Variants in BTBD3 observed in about 807,000 individuals in gnomAD.
The protein encoded by BTBD3 is BTB domain containing 3.
BTBD3 carries 14 observed loss-of-function variants against 41.6 expected under a neutral mutation model. The observed-to-expected ratio is 0.34, with a 90% CI of 0.22 to 0.53. The LOEUF is 0.53. BTBD3 is among the 20% of genes least tolerant of loss of function. BTBD3 has a pLI of 0.95. For missense variants in BTBD3, 426 were observed against 654.7 expected (o/e 0.65, Z 3.81); for synonymous variants, 249 against 233.7 (o/e 1.07, Z -0.60).
chr20:11,919,980 G>C (rs1408921733), intron 3 of BTBD3, 144 bp downstream of exon 3: 1 of 718,124 alleles, frequency 1.4e-6, no homozygotes, highest in African/African-American at 1.8e-5. Context: ...AATGTTTTCG[G>C]AAAAGAACAC....
Position 11,924,791 on chromosome 20 carries a change from C to G in BTBD3, c.*1125C>G, listed in dbSNP as rs997364918. On this transcript the variant is annotated 3_prime_UTR_variant, in exon 4 of 4. Transcript: ENST00000378226. Reference sequence around the variant, plus strand: ...TGTTAATTTTAATTTTGTCCTGTTCCTAGACTGCTAGAATCTGGCCCCTGG... The same window carrying G: ...TGTTAATTTTAATTTTGTCCTGTTCGTAGACTGCTAGAATCTGGCCCCTGG... 3 of 152,530 alleles carry G rather than the reference C, an allele frequency of 2.0e-5. No individual in the cohort carries two copies. The highest frequency in any genetic ancestry group is 4.4e-5 in the Non-Finnish European group (3 of 68,020). 9.4% of individuals were successfully genotyped at this position (152,530 alleles called of 1,614,324 possible).
intron 1 of BTBD3, among the ~76,000 whole-genome samples, chr20:11,907,921 T>C (rs2056865847): frequency 1.3e-5 from 2 of 152,200 alleles, no homozygotes; most frequent in African/African-American, 4.8e-5. Flanking sequence ...TTTCTTCCCT[T>C]CTTCCGGGGC....
intron 1 of BTBD3, among the ~76,000 whole-genome samples, chr20:11,902,324 A>T (rs1156421665): frequency 6.6e-6 from 1 of 152,234 alleles, no homozygotes; most frequent in Non-Finnish European, 1.5e-5. Context: ...AAGATGAATC[A>T]TCTGTCTGAA....
At chr20:11,916,431 C>A (rs1280901279), upstream of BTBD3, among the ~76,000 whole-genome samples, 1 of 152,190 alleles carries the variant, frequency 6.6e-6, no homozygotes, top group Non-Finnish European at 1.5e-5. Flanking sequence ...GTGTGTTCTG[C>A]TGTTGAGAAC....
At chr20:11,900,596 C>A (rs2056817933) in intron 1 of BTBD3, among the ~76,000 whole-genome samples, 2 of 151,846 alleles carry the variant, frequency 1.3e-5, no homozygotes, top group African/African-American at 4.8e-5. Context: ...TGATGTTGTA[C>A]TTTAGGTCTC....
chr20:11,921,466 T>G (rs779668569), intron 3 of BTBD3: 1 of 152,152 alleles, frequency 6.6e-6, no homozygotes, highest in Non-Finnish European at 1.5e-5. Flanking sequence ...CCTGGGGTTG[T>G]CAGAAAAAGA....
chr20:11,918,663 C>T (rs1476283680), intron 1 of BTBD3, 62 bp downstream of exon 1: 2 of 1,469,858 alleles, frequency 1.4e-6, no homozygotes, highest in Non-Finnish European at 1.8e-6. Context: ...TCTGCTTTTG[C>T]AAAACCTGTA....
upstream of BTBD3, among the ~76,000 whole-genome samples, chr20:11,914,528 T>C (rs1349351344): frequency 1.3e-5 from 2 of 152,076 alleles, no homozygotes; most frequent in Non-Finnish European, 2.9e-5. Context: ...TGGTCCCTAG[T>C]CTGAATTCTT....
At chr20:11,921,440 A>G (rs1037853497) in intron 3 of BTBD3, 3 of 152,250 alleles carry the variant, frequency 2.0e-5, no homozygotes, top group Admixed American at 6.5e-5. Context: ...TTCATCGAGT[A>G]TGAGTAGCCA....
intron 1 of BTBD3, among the ~76,000 whole-genome samples, chr20:11,907,158 T>G (rs1376059145): frequency 6.6e-6 from 1 of 152,202 alleles, no homozygotes; most frequent in African/African-American, 2.4e-5. Flanking sequence ...TGTATTACAT[T>G]AAATTTTAGA....
At chr20:11,892,274 C>A (rs1371756016) in intron 1 of BTBD3, among the ~76,000 whole-genome samples, 1 of 149,946 alleles carries the variant, frequency 6.7e-6, no homozygotes, top group Non-Finnish European at 1.5e-5. Flanking sequence ...CTTTCACTGA[C>A]TCCCTGCCCA....
intron 1 of BTBD3, among the ~76,000 whole-genome samples, chr20:11,905,855 G>T (rs528419834): frequency 1.3e-5 from 2 of 152,144 alleles, no homozygotes; most frequent in South Asian, 4.1e-4. Flanking sequence ...AGCAGATGTT[G>T]CTGGGAGGTT....
At chr20:11,916,539 A>G (rs1212231808), upstream of BTBD3, among the ~76,000 whole-genome samples, 1 of 152,204 alleles carries the variant, frequency 6.6e-6, no homozygotes, top group Non-Finnish European at 1.5e-5. Flanking sequence ...AGGCTTTGCA[A>G]ATGGTTTTAA....
At chr20:11,912,351 A>G (rs554853508) in intron 1 of BTBD3, among the ~76,000 whole-genome samples, 97 of 152,350 alleles carry the variant, frequency 6.4e-4, no homozygotes, top group Non-Finnish European at 1.3e-3. Flanking sequence ...ATGGGCACCC[A>G]GCCTGAAGTG....
chr20:11,917,050 T>G (rs2122287128), upstream of BTBD3, among the ~76,000 whole-genome samples: 1 of 152,290 alleles, frequency 6.6e-6, no homozygotes, highest in South Asian at 2.1e-4. Flanking sequence ...AATAGCCTTG[T>G]TATTTGTTCT....
intron 1 of BTBD3, chr20:11,891,045 G>A (rs983677292): frequency 2.2e-6 from 2 of 889,662 alleles, no homozygotes; most frequent in Non-Finnish European, 2.7e-6. Context: ...CCTGCGGCCG[G>A]CCGGAGGGGC....
At chr20:11,914,961 A>G (rs1420433397), upstream of BTBD3, among the ~76,000 whole-genome samples, 2 of 152,154 alleles carry the variant, frequency 1.3e-5, no homozygotes, top group Non-Finnish European at 2.9e-5. Context: ...AATCTCTTTC[A>G]TCTTATAGCT....
rs2056788817 is a variant in BTBD3, at chr20:11,896,641, T to C, written c.-126+5687T>C. On this transcript the variant is annotated intron_variant, in intron 1 of 4. Transcript: ENST00000254977. The stretch of plus-strand genomic sequence containing the variant: ...TCTTCATCAGGACAAAGAAAATCTA[T>C]CCTTTCATTTCCAAGTTGCCTAGAG... Among the ~76,000 whole-genome samples, 4 of 152,224 alleles carry C rather than the reference T, an allele frequency of 2.6e-5. No individual in the cohort carries two copies. The South Asian group carries it at 8.3e-4, about 32-fold the overall frequency.
chr20:11,895,118 C>T (rs1421481412), intron 1 of BTBD3, among the ~76,000 whole-genome samples: 1 of 152,028 alleles, frequency 6.6e-6, no homozygotes, highest in Non-Finnish European at 1.5e-5. Context: ...TTCTTCTTTG[C>T]TTTGTGGTCT....
Sources: allele counts gnomAD v4.1 joint callset (sites outside exome capture counted in the v4.1 genomes callset), GRCh38; gene constraint gnomAD v4.1.1; transcripts MANE v1.5; gene names NCBI Gene and HGNC (gene_info 2026-07-23, HGNC 2026-07-21).